The following RAD51C variants were observed in gnomAD, a reference collection of about 807,000 sequenced individuals.
RAD51C encodes DNA repair protein RAD51 homolog 3.
A neutral mutation model predicts 45.0 loss-of-function variants in RAD51C; 42 were observed. The observed-to-expected ratio is 0.93, with a 90% CI of 0.73 to 1.21. The LOEUF (loss-of-function observed/expected upper bound fraction) is 1.21. Among genes scored for constraint, RAD51C ranks in the 50% most tolerant of loss-of-function variants. The pLI is 0.00. For synonymous variants in RAD51C, 172 were observed against 159.8 expected, an observed-to-expected ratio of 1.08 and a Z score of -0.58; for missense variants, 474 against 452.2, an observed-to-expected ratio of 1.05 and a Z score of -0.44.
intron 3 of RAD51C, among the ~76,000 whole-genome samples, chr17:58,702,766 G>T (rs1022174085): frequency 6.6e-6 from 1 of 152,104 alleles, no homozygotes; most frequent in African/African-American, 2.4e-5. Flanking sequence ...GGGAGGCTGG[G>T]GCAGGAGGAT....
chr17:58,724,001 A>G (rs1369597432), intron 6 of RAD51C, 39 bp from the exon 7 acceptor site: 4 of 1,530,448 alleles, frequency 2.6e-6, no homozygotes, highest in Non-Finnish European at 2.7e-6. Flanking sequence ...TAACCAAGTC[A>G]GTAAGGCCAT....
chr17:58,719,201 G>T (rs969919681), intron 5 of RAD51C, among the ~76,000 whole-genome samples: 5 of 152,002 alleles, frequency 3.3e-5, no homozygotes, highest in Non-Finnish European at 7.4e-5. Context: ...TCCAGCCTGG[G>T]CAACAGAGCG....
chr17:58,715,856 G>A (rs1013815225), intron 5 of RAD51C, among the ~76,000 whole-genome samples: 2 of 152,162 alleles, frequency 1.3e-5, no homozygotes, highest in Non-Finnish European at 2.9e-5. Flanking sequence ...TGTAATCCCA[G>A]CACTTTGGGA....
chr17:58,693,375 A>G, intron 1 of RAD51C: 1 of 159,300 alleles, frequency 6.3e-6, no homozygotes, highest in Non-Finnish European at 1.4e-5. Flanking sequence ...GAACCACTGC[A>G]TCCTGAGACA....
At chr17:58,697,777 A>G (rs2048070497) in intron 3 of RAD51C, among the ~76,000 whole-genome samples, 1 of 151,534 alleles carries the variant, frequency 6.6e-6, no homozygotes, top group Non-Finnish European at 1.5e-5. Flanking sequence ...CAGTGGCACA[A>G]TCTTGGCTCA....
chr17:58,702,627 A>G (rs1311837219), intron 3 of RAD51C, among the ~76,000 whole-genome samples: 1 of 151,518 alleles, frequency 6.6e-6, no homozygotes, highest in Non-Finnish European at 1.5e-5. Context: ...CAGGAGGCAG[A>G]GGTTGCAGTG....
intron 4 of RAD51C, among the ~76,000 whole-genome samples, chr17:58,705,427 G>A (rs1015649810): frequency 2.0e-5 from 3 of 151,116 alleles, no homozygotes; most frequent in Non-Finnish European, 4.4e-5. Context: ...TCCACCTCCC[G>A]GATTCAAGCG....
intron 5 of RAD51C, among the ~76,000 whole-genome samples, chr17:58,717,051 G>A (rs1020390330): frequency 2.0e-5 from 3 of 151,656 alleles, no homozygotes; most frequent in Admixed American, 6.6e-5. Flanking sequence ...CGCCCGCCTC[G>A]GCCTCCCAAA....
At chr17:58,713,740 G>T (rs1365701235) in intron 5 of RAD51C, among the ~76,000 whole-genome samples, 1 of 151,916 alleles carries the variant, frequency 6.6e-6, no homozygotes, top group Non-Finnish European at 1.5e-5. Context: ...CTCGGGAGGT[G>T]GAGGTTGCAG....
rs575110956 is a variant in RAD51C, at chr17:58,728,254, A to G, written c.965+4154A>G. ...AGTAAGACTCTGTCTCAAAAAAAAA[A>G]AAAGTTGCATGAAATTTTGTATGCT... On this transcript the variant is annotated intron_variant, in intron 7 of 8. Coordinates refer to ENST00000337432, the MANE Select transcript of RAD51C (RefSeq NM_058216.3). 5.9e-5 allele frequency among the ~76,000 whole-genome samples: 9 copies of G among 151,852 alleles called. No individual in the cohort carries two copies. In the South Asian group the frequency reaches 1.9e-3, roughly 32 times the overall value.
chr17:58,694,664 G>A (rs567064750), intron 1 of RAD51C: 4 of 415,982 alleles, frequency 9.6e-6, no homozygotes, highest in South Asian at 2.1e-5. Flanking sequence ...TAGTAGAGAC[G>A]GAGTTTCACC....
At chr17:58,718,680 A>G (rs1007627491) in intron 5 of RAD51C, among the ~76,000 whole-genome samples, 2 of 152,180 alleles carry the variant, frequency 1.3e-5, no homozygotes, top group African/African-American at 4.8e-5. Flanking sequence ...TAGCATAATC[A>G]TAATTTGGAG....
intron 7 of RAD51C, among the ~76,000 whole-genome samples, chr17:58,727,573 C>T (rs1185762688): frequency 2.7e-5 from 4 of 149,366 alleles, no homozygotes; most frequent in Admixed American, 2.7e-4. Flanking sequence ...TTTTTTTTTT[C>T]GGGCTGTGGA....
chr17:58,703,376 G>C (rs1246790568), intron 4 of RAD51C, 47 bp downstream of exon 4: 2 of 1,579,132 alleles, frequency 1.3e-6, no homozygotes, highest in African/African-American at 1.3e-5. Flanking sequence ...ATTTTTTGAG[G>C]TGTTTGATAA....
chr17:58,710,308 T>A (rs1398603367), intron 5 of RAD51C, among the ~76,000 whole-genome samples: 1 of 137,542 alleles, frequency 7.3e-6, no homozygotes, highest in Non-Finnish European at 1.5e-5. Flanking sequence ...GGTGAAACCC[T>A]GTCTCTACTA....
At chr17:58,725,018 A>C (rs934341322) in intron 7 of RAD51C, among the ~76,000 whole-genome samples, 1 of 152,220 alleles carries the variant, frequency 6.6e-6, no homozygotes, top group South Asian at 2.1e-4. Context: ...CCTGAAGCTC[A>C]TAACAGAATG....
At chr17:58,726,651 TATAG>T (rs1459434740) in intron 7 of RAD51C, among the ~76,000 whole-genome samples, 2 of 151,044 alleles carry the variant, frequency 1.3e-5, no homozygotes, top group African/African-American at 4.9e-5. Flanking sequence ...TACGTATACG[TATAG>T]ATGTATATAC....
At chr17:58,715,579 A>G (rs1307214600) in intron 5 of RAD51C, among the ~76,000 whole-genome samples, 1 of 151,746 alleles carries the variant, frequency 6.6e-6, no homozygotes, top group Non-Finnish European at 1.5e-5. Flanking sequence ...GACATTTTAT[A>G]TAAGCAGATC....
At chr17:58,732,297 CTG>C (rs754865915) in intron 7 of RAD51C, 185 bp from the exon 8 acceptor site, 34 of 501,432 alleles carry the variant, frequency 6.8e-5, no homozygotes, top group African/African-American at 1.7e-4. Flanking sequence ...CATATAAACT[CTG>C]TTATATACAT....
Sources: allele counts gnomAD v4.1 joint callset (sites outside exome capture counted in the v4.1 genomes callset), GRCh38; gene constraint gnomAD v4.1.1; transcripts MANE v1.5; gene names NCBI Gene and HGNC (gene_info 2026-07-23, HGNC 2026-07-21).